RBFOX1: variants seen among roughly 807,000 people sequenced by gnomAD.
The protein encoded by RBFOX1 is RNA binding protein fox-1 homolog 1.
RBFOX1 carries 8 observed loss-of-function variants against 57.7 expected under a neutral mutation model. The observed-to-expected ratio is 0.14, with a 90% confidence interval of 0.08 to 0.25. RBFOX1 has a LOEUF of 0.25. Ranked by LOEUF, RBFOX1 falls within the 10% of genes least tolerant of loss-of-function variation. RBFOX1 has a pLI of 1.00. For synonymous variants in RBFOX1, 326 were observed against 222.4 expected (o/e 1.47, Z -4.15); for missense variants, 611 against 548.5 (o/e 1.11, Z -1.14).
At chr16:6,601,480 C>G (rs938081011) in intron 2 of RBFOX1, among the ~76,000 whole-genome samples, 2 of 152,068 alleles carry the variant, frequency 1.3e-5, no homozygotes, top group African/African-American at 4.8e-5. Flanking sequence ...TTTAAGGGAA[C>G]TCTACATACA....
rs561410074 is a variant in RBFOX1, at chr16:5,674,822, C to G, written c.318+75861C>G. 6.6e-5 allele frequency among the ~76,000 whole-genome samples: 10 copies of G among 152,194 alleles called. No individual in the cohort carries two copies. In the East Asian group the frequency reaches 1.9e-3, roughly 29 times the overall value. On this transcript the variant is annotated intron_variant, in intron 3 of 19. Transcript: ENST00000641259. Reference sequence around the variant, plus strand: ...ACAGATTCAGATATATAATGCTGGTCTGGCGCACGTAGTACGTTATGTAAA... The same window carrying G: ...ACAGATTCAGATATATAATGCTGGTGTGGCGCACGTAGTACGTTATGTAAA...
At chr16:6,800,779 A>G (rs953370996) in intron 3 of RBFOX1, among the ~76,000 whole-genome samples, 5 of 152,178 alleles carry the variant, frequency 3.3e-5, no homozygotes, top group Admixed American at 6.6e-5. Flanking sequence ...GTAGATGACA[A>G]AGTAGCTTTT....
At chr16:7,001,054 T>C (rs2092744974) in intron 3 of RBFOX1, among the ~76,000 whole-genome samples, 1 of 152,180 alleles carries the variant, frequency 6.6e-6, no homozygotes, top group African/African-American at 2.4e-5. Context: ...CAGAGAAAAA[T>C]CTTTTACTGA....
chr16:6,920,143 T>C (rs2074140914), intron 3 of RBFOX1, among the ~76,000 whole-genome samples: 1 of 152,238 alleles, frequency 6.6e-6, no homozygotes. Flanking sequence ...AGTCATATTC[T>C]ATGGTGTAGG....
rs552411611 is a variant in RBFOX1, at chr16:5,301,605, C to T, written c.219+61500C>T. 2.8e-5 allele frequency among the ~76,000 whole-genome samples: 3 copies of T among 108,414 alleles called. No homozygotes were observed. In the South Asian group the frequency reaches 1.1e-3, roughly 39 times the overall value. The allele number at this position is 108,414 out of a possible 152,430, so 71.1% of individuals were successfully genotyped here. ...CTGCACTCCAGCCTGGGTGACACAG[C>T]AAGTCTCCATCTCAAAAAAAAAAAA... is the stretch of plus-strand genomic sequence containing the variant. On this transcript the variant is annotated intron_variant, in intron 1 of 2. Transcript: ENST00000585867.
intron 2 of RBFOX1, among the ~76,000 whole-genome samples, chr16:5,541,135 C>A (rs906564295): frequency 1.3e-5 from 2 of 152,156 alleles, no homozygotes; most frequent in Admixed American, 6.5e-5. Flanking sequence ...CAGACATGAG[C>A]CTCCATGCCT....
chr16:5,693,083 T>G (rs1160174310), intron 3 of RBFOX1, among the ~76,000 whole-genome samples: 1 of 152,178 alleles, frequency 6.6e-6, no homozygotes, highest in African/African-American at 2.4e-5. Flanking sequence ...AGTATTCTGG[T>G]TGCTATGGAA....
intron 4 of RBFOX1, among the ~76,000 whole-genome samples, chr16:7,407,822 G>A (rs182041963): frequency 1.4e-3 from 213 of 152,182 alleles, no homozygotes; most frequent in African/African-American, 4.8e-3. Context: ...ATATTTCACT[G>A]GGGGTGGGAA....
At chr16:6,421,513 A>T (rs1379923507) in intron 2 of RBFOX1, among the ~76,000 whole-genome samples, 1 of 152,232 alleles carries the variant, frequency 6.6e-6, no homozygotes. Flanking sequence ...GTACTTTTTA[A>T]CAAGATTTTC....
At chr16:6,445,017 A>G (rs2094456939) in intron 2 of RBFOX1, among the ~76,000 whole-genome samples, 1 of 152,126 alleles carries the variant, frequency 6.6e-6, no homozygotes, top group Non-Finnish European at 1.5e-5. Context: ...TAAGTATTCC[A>G]GGCAGGAGAT....
intron 4 of RBFOX1, among the ~76,000 whole-genome samples, chr16:7,203,901 G>A (rs965924218): frequency 2.0e-5 from 3 of 152,214 alleles, no homozygotes; most frequent in Non-Finnish European, 4.4e-5. Flanking sequence ...GTCAGAACTA[G>A]TCAAGAAGGA....
At chr16:7,210,342 G>T (rs900052084) in intron 4 of RBFOX1, among the ~76,000 whole-genome samples, 8 of 152,150 alleles carry the variant, frequency 5.3e-5, no homozygotes. Flanking sequence ...AGCTGACAGC[G>T]TGGACCACAC....
At chr16:7,554,162 G>T (rs1486225052) in intron 5 of RBFOX1, among the ~76,000 whole-genome samples, 2 of 152,154 alleles carry the variant, frequency 1.3e-5, no homozygotes, top group African/African-American at 4.8e-5. Context: ...AAGCTTAGTT[G>T]GGCTGATGGG....
At chr16:6,010,598 T>C (rs2094955513) in intron 4 of RBFOX1, among the ~76,000 whole-genome samples, 1 of 152,080 alleles carries the variant, frequency 6.6e-6, no homozygotes, top group African/African-American at 2.4e-5. Flanking sequence ...GCAAACGGAG[T>C]GTCCGCTGAT....
At chr16:7,432,036 C>A (rs890507255) in intron 4 of RBFOX1, among the ~76,000 whole-genome samples, 1 of 152,206 alleles carries the variant, frequency 6.6e-6, no homozygotes, top group Admixed American at 6.5e-5. Context: ...GCTTTCCTTA[C>A]ACCCAGCCCA....
At chr16:6,356,367 G>C (rs1352612600) in intron 2 of RBFOX1, among the ~76,000 whole-genome samples, 1 of 152,222 alleles carries the variant, frequency 6.6e-6, no homozygotes, top group Non-Finnish European at 1.5e-5. Context: ...AACCCCAGGA[G>C]ATTGAGGCTG....
intron 2 of RBFOX1, among the ~76,000 whole-genome samples, chr16:6,558,214 T>A (rs530925272): frequency 6.6e-6 from 1 of 152,124 alleles, no homozygotes; most frequent in African/African-American, 2.4e-5. Context: ...GGGTTAGTGA[T>A]GGGTGAAATG....
intron 2 of RBFOX1, among the ~76,000 whole-genome samples, chr16:6,375,775 C>G (rs1279517907): frequency 1.3e-5 from 2 of 152,116 alleles, no homozygotes; most frequent in Admixed American, 6.5e-5. Context: ...TTTCCAGAAC[C>G]TCAGCACAAA....
At chr16:6,456,262 G>C (rs1043694110) in intron 2 of RBFOX1, among the ~76,000 whole-genome samples, 2 of 152,090 alleles carry the variant, frequency 1.3e-5, no homozygotes, top group Admixed American at 6.5e-5. Flanking sequence ...ACATGGATTA[G>C]TGTGTGTGTA....
Sources: gnomAD v4.1 joint callset for allele counts (sites outside exome capture counted in the v4.1 genomes callset) on GRCh38, gnomAD v4.1.1 for gene constraint, MANE v1.5 for transcripts, NCBI Gene and HGNC (gene_info 2026-07-23, HGNC 2026-07-21) for gene names.